CGAS: variants seen among roughly 807,000 people sequenced by gnomAD.
CGAS encodes 2'3'-cGAMP synthase.
A neutral mutation model predicts 34.0 loss-of-function variants in CGAS; 31 were observed. That is an observed-to-expected ratio of 0.91 (90% CI 0.69 to 1.23). The LOEUF is 1.23. Among genes scored for constraint, CGAS ranks in the 50% most tolerant of loss-of-function variants. The pLI, the probability that CGAS is intolerant of heterozygous loss-of-function variation, is 0.00. For missense variants in CGAS, 597 were observed against 657.6 expected (o/e 0.91, Z 1.01); for synonymous variants, 266 against 260.0 (o/e 1.02, Z -0.22).
intron 1 of CGAS, among the ~76,000 whole-genome samples, chr6:73,448,860 C>A (rs540833887): frequency 6.6e-6 from 1 of 152,200 alleles, no homozygotes; most frequent in African/African-American, 2.4e-5. Flanking sequence ...AAGGCTGATG[C>A]AGGTGGATCA....
At chr6:73,438,235 T>C (rs1171490642) in intron 3 of CGAS, among the ~76,000 whole-genome samples, 1 of 152,216 alleles carries the variant, frequency 6.6e-6, no homozygotes, top group Non-Finnish European at 1.5e-5. Flanking sequence ...TAAGTCCCTC[T>C]GTTCACATAC....
chr6:73,442,592 T>A (rs1451328397), intron 2 of CGAS, among the ~76,000 whole-genome samples: 1 of 148,932 alleles, frequency 6.7e-6, no homozygotes, highest in Non-Finnish European at 1.5e-5. Context: ...TTTTCTTTTT[T>A]CTTTCTTTTT....
At chr6:73,427,393 G>A (rs1199350301) in intron 4 of CGAS, among the ~76,000 whole-genome samples, 8 of 151,734 alleles carry the variant, frequency 5.3e-5, no homozygotes, top group East Asian at 1.9e-4. Flanking sequence ...TCTGTCTCCC[G>A]GGTTCAGGTG....
intron 2 of CGAS, among the ~76,000 whole-genome samples, chr6:73,444,291 T>TTTTAA (rs1181621688): frequency 6.7e-6 from 1 of 150,056 alleles, no homozygotes; most frequent in South Asian, 2.1e-4. Context: ...CCTGGCCAGA[T>TTTTAA]TTTAATTTAA....
At chr6:73,442,597 CTTTTTT>C (rs66905880) in intron 2 of CGAS, among the ~76,000 whole-genome samples, 1 of 131,498 alleles carries the variant, frequency 7.6e-6, no homozygotes. Context: ...TTTTTTCTTT[CTTTTTT>C]TTTTTTTTTT....
rs1326836587 is a variant in CGAS, at chr6:73,440,533, A to G, written c.878-88T>C. 3.5e-6 allele frequency: 4 copies of G among 1,147,228 alleles called. No individual in the cohort carries two copies. In the South Asian group the frequency reaches 4.5e-5, roughly 13 times the overall value. 71.1% of individuals were successfully genotyped at this position (1,147,228 alleles called of 1,614,324 possible). A position where few individuals can be genotyped will look rare whatever the true frequency, so the allele number is the denominator to read the frequency against. On this transcript the variant is annotated intron_variant, in intron 2 of 4. Transcript: ENST00000370315. ...GGAAATAATGTAACTATAATTGAAGATCTCTGGTGTGCTAAGTATGAAGTA... is the reference window on the plus strand; with the variant it reads ...GGAAATAATGTAACTATAATTGAAGGTCTCTGGTGTGCTAAGTATGAAGTA...
At position 73,451,863 on chromosome 6, in the gene CGAS, G is replaced by C. The variant is rs200136243; in HGVS notation, c.319C>G (p.Pro107Ala). The C allele has an allele frequency of 2.6e-6, 4 of 1,548,558 alleles. No individual in the cohort carries two copies. In the African/African-American group the frequency reaches 5.5e-5, roughly 21 times the overall value. The change falls in exon 1 of 5, where the codon CCT becomes GCT. Residue 107 changes from proline to alanine, a missense_variant. Physicochemically the swap from Pro to Ala is conservative, Grantham distance 27. Around this residue, in one of 3 missense-constraint regions of CGAS, gnomAD observed 321 missense variants for 314.3 expected, o/e 1.02. Transcript: ENST00000370315. ...AGAGCCGGCTCCCGAGCCGCAGGAG[G>C]CTCCAGCCCCTCTGCCCCAGGGGCG... ...TSAPGAEGLE[P>A]PAAREPALSR... is the part of the protein sequence containing the mutation.
chr6:73,442,032 C>G (rs1207156725), intron 2 of CGAS, among the ~76,000 whole-genome samples: 2 of 152,120 alleles, frequency 1.3e-5, no homozygotes, highest in African/African-American at 2.4e-5. Context: ...ACCACCACAC[C>G]TGGCTAATTT....
At chr6:73,450,637 T>C (rs1770549337) in intron 1 of CGAS, among the ~76,000 whole-genome samples, 1 of 151,972 alleles carries the variant, frequency 6.6e-6, no homozygotes, top group African/African-American at 2.4e-5. Flanking sequence ...GTAGGAGATA[T>C]TCTTATTTGT....
At position 73,445,555 on chromosome 6, in the gene CGAS, T is replaced by G. The variant is rs750643153; in HGVS notation, c.850A>C (p.Ile284Leu). 10 of 1,605,604 alleles carry G rather than the reference T, an allele frequency of 6.2e-6. No homozygotes were observed. In the Admixed American group the frequency reaches 6.8e-5, roughly 11 times the overall value. ...TTAATGTCGTTAATTTCTTCCTTAA[T>G]GATTTTCCTAAACTTTGACAGCATC... ...SKMLSKFRKI[I>L]KEEINDIKDT... Residue 284 changes from isoleucine (I) to leucine (L), a missense_variant, in exon 2 of 5, where the codon ATT (isoleucine) becomes CTT (leucine). Transcript: ENST00000370315.
chr6:73,431,535 C>G (rs1456361668), intron 3 of CGAS, among the ~76,000 whole-genome samples: 2 of 152,224 alleles, frequency 1.3e-5, no homozygotes, highest in East Asian at 3.9e-4. Context: ...TGCTAAACGA[C>G]ACTTCTAGAA....
intron 2 of CGAS, among the ~76,000 whole-genome samples, chr6:73,441,815 C>G (rs1396416706): frequency 6.6e-6 from 1 of 152,150 alleles, no homozygotes; most frequent in East Asian, 1.9e-4. Flanking sequence ...ACCTGGCCAC[C>G]TGTTACCCAA....
chr6:73,434,341 A>G (rs1042451921), intron 3 of CGAS, among the ~76,000 whole-genome samples: 1 of 152,206 alleles, frequency 6.6e-6, no homozygotes, highest in South Asian at 2.1e-4. Context: ...GGTCAACTGT[A>G]CATGACTGTA....
In CGAS at chr6:73,428,770, T is replaced by C; in HGVS notation, c.1156A>G (p.Ile386Val). 6.2e-7 allele frequency: 1 copy of C among 1,613,872 alleles called. No individual in the cohort carries two copies. Among genetic ancestry groups the C allele is most frequent in the Non-Finnish European group, 8.5e-7 (1 of 1,180,000 alleles). Residue 386 changes from isoleucine (I) to valine (V), a missense_variant, in exon 4 of 5, where the codon ATT becomes GTT. By Grantham distance (29) the Ile-to-Val change is conservative. Around this residue, in one of 3 missense-constraint regions of CGAS, gnomAD observed 271 missense variants for 324.1 expected, o/e 0.84. Transcript: ENST00000370315. ...TTAGATTTTCCATGATTGTTCAAAA[T>C]TTCCTTTTCGATGTGAGAGAAGGAT... ...RLSFSHIEKE[I>V]LNNHGKSKTC...
At position 73,430,920 on chromosome 6, in the gene CGAS, G is replaced by A. The variant is rs189452861; in HGVS notation, c.1115-2109C>T. Among the ~76,000 whole-genome samples the A allele has an allele frequency of 1.3e-3, 191 of 151,968 alleles. 1 individual carries two copies. Among genetic ancestry groups the A allele is most frequent in the African/African-American group, 4.3e-3 (179 of 41,486 alleles). On this transcript the variant is annotated intron_variant, in intron 3 of 4. Transcript: ENST00000370315. ...GGTTCAAGAGCAGCCTGGCAAACAT[G>A]GCGAAACTCCGTCGCTACTAAAAAT...
At chr6:73,425,627 C>A in intron 4 of CGAS, 49 bp from the exon 5 acceptor site, 1 of 1,306,198 alleles carries the variant, frequency 7.7e-7, no homozygotes. Context: ...TTACATTCAA[C>A]AAAGGATTTT....
rs1199196516 is a variant in CGAS, at chr6:73,452,011, C to A, written c.171G>T (p.Ser57=). ...GGGCGCTCTTTTTCTGCCGGGATCC[C>A]GACTTCCTGGCGGGGCCGAACTTTC... ...KAGKFGPARK[S]GSRQKKSAPD... is the part of the protein sequence containing the mutation. Residue 57 remains serine, a synonymous_variant, in exon 1 of 5, where the codon TCG becomes TCT. Transcript: ENST00000370315. 2.7e-6 allele frequency: 4 copies of A among 1,481,482 alleles called. No homozygotes were observed. Among genetic ancestry groups the A allele is most frequent in the East Asian group, 2.5e-5 (1 of 39,918 alleles). The allele number at this position is 1,481,482 out of a possible 1,614,324, so 91.8% of individuals were successfully genotyped here.
chr6:73,443,130 A>G (rs1770411639), intron 2 of CGAS, among the ~76,000 whole-genome samples: 1 of 152,082 alleles, frequency 6.6e-6, no homozygotes, highest in African/African-American at 2.4e-5. Flanking sequence ...AAGACCAAAG[A>G]ACAAATCCAT....
At chr6:73,431,507 A>G (rs955381140) in intron 3 of CGAS, among the ~76,000 whole-genome samples, 1 of 152,070 alleles carries the variant, frequency 6.6e-6, no homozygotes, top group Non-Finnish European at 1.5e-5. Flanking sequence ...AAAAAGAAAT[A>G]TGGATGAAAG....
Sources: gnomAD v4.1 joint callset for allele counts (sites outside exome capture counted in the v4.1 genomes callset) on GRCh38, gnomAD v4.1.1 for gene constraint, gnomAD v4.1.1 regional missense constraint, MANE v1.5 for transcripts, NCBI Gene and HGNC (gene_info 2026-07-23, HGNC 2026-07-21) for gene names.